Variants in OXSR1 observed in about 807,000 individuals in gnomAD.
OXSR1 encodes serine/threonine-protein kinase OSR1.
OXSR1 carries 24 observed loss-of-function variants against 79.8 expected under a neutral mutation model. The ratio of observed to expected loss-of-function variants is 0.30; its 90% CI spans 0.22 to 0.42. OXSR1 has a LOEUF of 0.42. OXSR1 is among the 10% of genes least tolerant of loss of function. The pLI, the probability that OXSR1 is intolerant of heterozygous loss-of-function variation, is 1.00. For synonymous variants in OXSR1, 226 were observed against 209.2 expected (o/e 1.08, Z -0.69); for missense variants, 430 against 618.4 (o/e 0.70, Z 3.23).
chr3:38,218,094 T>C (rs1702520031), intron 5 of OXSR1, among the ~76,000 whole-genome samples: 1 of 152,226 alleles, frequency 6.6e-6, no homozygotes, highest in South Asian at 2.1e-4. Context: ...AATATCTGTC[T>C]GAGTTTCTTG....
chr3:38,236,931 G>A lies in OXSR1; in HGVS notation c.1044G>A (p.Glu348=). The A allele has an allele frequency of 6.2e-7, 1 of 1,612,324 alleles. No individual in the cohort carries two copies. Among genetic ancestry groups the A allele is most frequent in the Non-Finnish European group, 8.5e-7 (1 of 1,178,840 alleles). The stretch of plus-strand genomic sequence containing the variant: ...ATGATGAATTTGATGAAGAAAGTGA[G>A]GAAGGGAAAGCAGCAATTTCACAAC... The part of the protein sequence containing the change: ...WSDDEFDEES[E]EGKAAISQLR... Residue 348 remains glutamate (E), a synonymous_variant, in exon 11 of 18, where the codon GAG becomes GAA. Transcript: ENST00000311806.
intron 2 of OXSR1, among the ~76,000 whole-genome samples, chr3:38,184,326 C>G (rs899177913): frequency 2.6e-5 from 4 of 152,140 alleles, no homozygotes; most frequent in Admixed American, 6.5e-5. Flanking sequence ...CTGGAATGAT[C>G]TTGAGCCATC....
chr3:38,178,030 C>T (rs1453709855), intron 1 of OXSR1, among the ~76,000 whole-genome samples: 2 of 152,204 alleles, frequency 1.3e-5, no homozygotes, highest in African/African-American at 2.4e-5. Context: ...CTCACTGCAA[C>T]CTCTGCCTCC....
intron 11 of OXSR1, among the ~76,000 whole-genome samples, chr3:38,241,235 A>T (rs1703026720): frequency 6.6e-6 from 1 of 152,174 alleles, no homozygotes; most frequent in Non-Finnish European, 1.5e-5. Context: ...CCAAGTGGGA[A>T]TTCATGTAAA....
intron 1 of OXSR1, among the ~76,000 whole-genome samples, chr3:38,181,002 TA>T (rs1701774462): frequency 6.6e-6 from 1 of 152,190 alleles, no homozygotes; most frequent in African/African-American, 2.4e-5. Flanking sequence ...CCACATATGG[TA>T]ACATTCACAG....
chr3:38,180,950 T>A (rs1259178779), intron 1 of OXSR1, among the ~76,000 whole-genome samples: 1 of 152,158 alleles, frequency 6.6e-6, no homozygotes, highest in Non-Finnish European at 1.5e-5. Flanking sequence ...TAGGATAATC[T>A]TCCCATCTCA....
At chr3:38,244,670 T>TGTGTGTGTGTGTGTGTGTGTGTGC (rs1491372358) in intron 12 of OXSR1, among the ~76,000 whole-genome samples, 3 of 149,620 alleles carry the variant, frequency 2.0e-5, no homozygotes, top group Non-Finnish European at 3.0e-5. Flanking sequence ...TGTGTGTGCG[T>TGTGTGTGTGTGTGTGTGTGTGTGC]GCGCATGTAC....
chr3:38,223,408 A>G (rs1213587198), intron 6 of OXSR1, among the ~76,000 whole-genome samples: 3 of 150,548 alleles, frequency 2.0e-5, no homozygotes, highest in African/African-American at 7.3e-5. Context: ...TTGGGATTAC[A>G]GGCAAGAGCC....
At chr3:38,217,093 T>A (rs1702495860) in intron 5 of OXSR1, among the ~76,000 whole-genome samples, 1 of 151,924 alleles carries the variant, frequency 6.6e-6, no homozygotes, top group South Asian at 2.1e-4. Flanking sequence ...AAAAAAAAAC[T>A]CTAAAAAAGT....
intron 1 of OXSR1, among the ~76,000 whole-genome samples, chr3:38,173,361 T>C (rs915866766): frequency 2.6e-5 from 4 of 152,230 alleles, no homozygotes; most frequent in African/African-American, 7.2e-5. Context: ...AGCTTTAATC[T>C]GAAGAGGTAG....
At chr3:38,167,507 G>T (rs557630312) in intron 1 of OXSR1, among the ~76,000 whole-genome samples, 1 of 152,202 alleles carries the variant, frequency 6.6e-6, no homozygotes, top group Non-Finnish European at 1.5e-5. Flanking sequence ...AGCTGCCTTG[G>T]GGGTGTCAGT....
intron 1 of OXSR1, among the ~76,000 whole-genome samples, chr3:38,176,632 T>C (rs1701681099): frequency 6.6e-6 from 1 of 152,346 alleles, no homozygotes; most frequent in East Asian, 1.9e-4. Flanking sequence ...TGCAAATCCC[T>C]TTTTATCAAT....
Position 38,224,622 on chromosome 3 carries a change from C to G in OXSR1, c.754C>G (p.Gln252Glu). 11 of 1,591,996 alleles carry G rather than the reference C, an allele frequency of 6.9e-6. No homozygotes were observed. The highest frequency in any genetic ancestry group is 8.5e-6 in the Non-Finnish European group (10 of 1,170,530). Residue 252 changes from glutamine (Q) to glutamate (E), a missense_variant, in exon 8 of 18, where the codon CAA becomes GAA. Physicochemically the swap from Gln to Glu is conservative, Grantham distance 29 (BLOSUM62 2). Transcript: ENST00000311806. ...NDPPSLETGV[Q>E]DKEMLKKYGK... ...TCCTCCTTCTTTGGAAACTGGTGTT[C>G]AAGATAAAGAAATGCTGAAAAAATA...
intron 1 of OXSR1, among the ~76,000 whole-genome samples, chr3:38,169,023 G>T (rs764969797): frequency 2.0e-5 from 3 of 152,194 alleles, no homozygotes; most frequent in Non-Finnish European, 4.4e-5. Context: ...AACTGTTTAA[G>T]AAACTGCCAA....
intron 1 of OXSR1, among the ~76,000 whole-genome samples, chr3:38,176,236 G>A (rs1701674227): frequency 6.6e-6 from 1 of 152,106 alleles, no homozygotes; most frequent in South Asian, 2.1e-4. Context: ...CCAGTAAATG[G>A]TTAAACAACT....
chr3:38,240,976 G>A (rs914745370), intron 11 of OXSR1, among the ~76,000 whole-genome samples: 2 of 152,044 alleles, frequency 1.3e-5, no homozygotes, highest in East Asian at 1.9e-4. Flanking sequence ...AATCATCGTC[G>A]CAAGGATAGG....
chr3:38,200,469 T>A (rs928976630), intron 4 of OXSR1, among the ~76,000 whole-genome samples: 4 of 152,202 alleles, frequency 2.6e-5, no homozygotes, highest in African/African-American at 9.7e-5. Context: ...TCCTCTTTTC[T>A]CCTTTCAGAG....
At position 38,165,586 on chromosome 3, in the gene OXSR1, A is replaced by T; in HGVS notation, c.-291A>T. ...AGGGCGGGACAGAGGGGCTGGGCCC[A>T]GGCAAAGCTTCTGTCGCTGCTGCTG... On this transcript the variant is annotated 5_prime_UTR_variant, in exon 1 of 18. Coordinates refer to ENST00000311806, the MANE Select transcript of OXSR1 (RefSeq NM_005109.3). 1.0e-5 allele frequency: 4 copies of T among 389,602 alleles called. No homozygotes were observed. The highest frequency in any genetic ancestry group is 1.9e-5 in the Non-Finnish European group (4 of 213,760). 24.1% of individuals were successfully genotyped at this position (389,602 alleles called of 1,614,324 possible).
intron 5 of OXSR1, among the ~76,000 whole-genome samples, chr3:38,217,364 A>G (rs1051012916): frequency 6.6e-6 from 1 of 152,202 alleles, no homozygotes; most frequent in African/African-American, 2.4e-5. Context: ...AGATATGCAT[A>G]CTGTTAGACT....
Sources: allele counts gnomAD v4.1 joint callset (sites outside exome capture counted in the v4.1 genomes callset), GRCh38; gene constraint gnomAD v4.1.1; transcripts MANE v1.5; gene names NCBI Gene and HGNC (gene_info 2026-07-23, HGNC 2026-07-21).